The following DNAH5 variants were observed in gnomAD, a reference collection of about 807,000 sequenced individuals.
DNAH5 encodes axonemal beta dynein heavy chain 5.
DNAH5 carries 372 observed loss-of-function variants against 518.2 expected under a neutral mutation model. The ratio of observed to expected loss-of-function variants is 0.72; its 90% CI spans 0.66 to 0.78. DNAH5 has a LOEUF of 0.78. Among genes scored for constraint, DNAH5 ranks in the 30% least tolerant of loss-of-function variants. DNAH5 has a pLI of 0.00. For missense variants in DNAH5, 5,523 were observed against 5,687.0 expected, an observed-to-expected ratio of 0.97 and a Z score of 0.93; for synonymous variants, 2,039 against 2,025.9, an observed-to-expected ratio of 1.01 and a Z score of -0.17.
At position 13,865,720 on chromosome 5, in the gene DNAH5, A is replaced by T; in HGVS notation, c.4303T>A (p.Ser1435Thr). The T allele has an allele frequency of 6.2e-7, 1 of 1,606,238 alleles. No homozygotes were observed. Among genetic ancestry groups the T allele is most frequent in the Non-Finnish European group, 8.5e-7 (1 of 1,172,894 alleles). ...TVNSYYDILW[S>T]EVNIEKINNE... The stretch of plus-strand genomic sequence containing the variant: ...TTAATTTTTTCAATATTCACCTCTG[A>T]CCAAAGAATATCATAATAGCTATTT... Residue 1435 changes from serine (S) to threonine (T), a missense_variant, in exon 27 of 79, where the codon TCA (serine) becomes ACA (threonine). Ser to Thr is a moderately conservative substitution (Grantham distance 58). This residue lies in a region of DNAH5 where 5,121 missense variants were observed against 5,223.3 expected (regional missense o/e 0.98). Transcript: ENST00000265104.
intron 1 of DNAH5, among the ~76,000 whole-genome samples, chr5:13,938,331 A>G (rs1160614087): frequency 6.6e-6 from 1 of 151,980 alleles, no homozygotes; most frequent in East Asian, 1.9e-4. Flanking sequence ...ACTTCATCTC[A>G]TTATGCAGGC....
chr5:13,968,348 T>C (rs940952392), intron 1 of DNAH5, among the ~76,000 whole-genome samples: 5 of 152,192 alleles, frequency 3.3e-5, no homozygotes, highest in Non-Finnish European at 7.4e-5. Flanking sequence ...TCCAGTACTA[T>C]GTTGAATAGA....
rs1252035893 is a variant in DNAH5 at position 13,865,815 on chromosome 5, A to G, written c.4208T>C (p.Leu1403Pro). ...GLPATQYPQLLEIKKQLNLLQ... is the reference protein window; with the variant it reads ...GLPATQYPQLPEIKKQLNLLQ... ...AAGATTTAGTTGCTTCTTTATTTCA[A>G]GAAGCTGAGGATACTGTGTAGCTGG... Residue 1403 changes from leucine to proline, a missense_variant, in exon 27 of 79, where the codon CTT becomes CCT. By Grantham distance (98) the Leu-to-Pro change is moderately conservative. Transcript: ENST00000265104. 4 of 1,613,744 alleles carry G rather than the reference A, an allele frequency of 2.5e-6. No individual in the cohort carries two copies. The highest frequency in any genetic ancestry group is 3.4e-6 in the Non-Finnish European group (4 of 1,179,790).
At chr5:13,993,881 T>G (rs1783739748) in intron 1 of DNAH5, among the ~76,000 whole-genome samples, 1 of 152,144 alleles carries the variant, frequency 6.6e-6, no homozygotes, top group Non-Finnish European at 1.5e-5. Context: ...CAAGATCACC[T>G]CCAGCTGTGA....
intron 50 of DNAH5, among the ~76,000 whole-genome samples, chr5:13,789,606 A>G (rs769072679): frequency 2.0e-5 from 3 of 152,226 alleles, no homozygotes; most frequent in Non-Finnish European, 4.4e-5. Context: ...ATTACTAATG[A>G]TAGAATGCTA....
intron 1 of DNAH5, among the ~76,000 whole-genome samples, chr5:13,971,655 C>T (rs758889208): frequency 3.3e-5 from 5 of 152,176 alleles, no homozygotes; most frequent in Non-Finnish European, 5.9e-5. Flanking sequence ...CTGTGGATAC[C>T]AGCACCTGCT....
chr5:13,788,763 A>T lies in DNAH5; in HGVS notation c.8600T>A (p.Ile2867Asn), dbSNP rs572852817. 15 of 1,614,140 alleles carry T rather than the reference A, an allele frequency of 9.3e-6. No homozygotes were observed. The Admixed American group carries it at 2.5e-4, about 27-fold the overall frequency. ...CAAGAAATCCACAAAATATGTGTCAATTCCACAATCCACCAAGAGTTTTTT... is the reference window on the plus strand; with the variant it reads ...CAAGAAATCCACAAAATATGTGTCATTTCCACAATCCACCAAGAGTTTTTT... ...EEKKLLVDCG[I>N]DTYFVDFLRD... The change falls in exon 51 of 79, where the codon ATT becomes AAT. Residue 2867 changes from isoleucine (I) to asparagine (N), a missense_variant. By Grantham distance (149) the Ile-to-Asn change is moderately radical. Coordinates refer to ENST00000265104, the MANE Select transcript of DNAH5 (RefSeq NM_001369.3).
rs192739957 is a variant in DNAH5 at position 13,913,944 on chromosome 5, G to A, written c.1335C>T (p.Cys445=). 191 of 1,612,894 alleles carry A rather than the reference G, an allele frequency of 1.2e-4. No individual in the cohort carries two copies. The highest frequency in any genetic ancestry group is 8.3e-4 in the Middle Eastern group (5 of 6,030). Residue 445 remains cysteine, a synonymous_variant, in exon 11 of 79, where the codon TGC becomes TGT. Transcript: ENST00000265104. The stretch of plus-strand genomic sequence containing the variant: ...TAAGCTTTTGTTTTGTCTTGTGAAA[G>A]CAGAGCTGGTATTCCTTAAAATCAA... ...AIKLKQEYQL[C]FHKTKQKLKQ...
chr5:13,835,188 G>A (rs1000767088), intron 35 of DNAH5, among the ~76,000 whole-genome samples: 3 of 151,890 alleles, frequency 2.0e-5, no homozygotes, highest in Admixed American at 6.6e-5. Context: ...AGGAGGCTGA[G>A]GCAGGAGAAT....
rs1756526292 is a variant in DNAH5, at chr5:13,789,018, C to A, written c.8449-104G>T. ...GTATTATCCTTCCTGATTTAAGATT[C>A]AACATTTTAAAAAGTTAGGGTTCAA... is the stretch of plus-strand genomic sequence containing the variant. On this transcript the variant is annotated intron_variant, in intron 50 of 78. Transcript: ENST00000265104. The A allele has an allele frequency of 2.8e-6, 3 of 1,089,732 alleles. No homozygotes were observed. In the South Asian group the frequency reaches 4.2e-5, roughly 15 times the overall value. The allele number at this position is 1,089,732 out of a possible 1,614,324, so 67.5% of individuals were successfully genotyped here. A position where few individuals can be genotyped will look rare whatever the true frequency, so the allele number is the denominator to read the frequency against.
At position 13,862,628 on chromosome 5, in the gene DNAH5, G is replaced by A. The variant is rs747337013; in HGVS notation, c.4716C>T (p.Leu1572=). Residue 1572 remains leucine, a synonymous_variant, in exon 29 of 79, where the codon CTC becomes CTT. Transcript: ENST00000265104. ...FGSFKTRGEL[L]LRGDSTSEII... is the part of the protein sequence containing the mutation. ...TTTCCGAGGTACTGTCTCCTCTCAA[G>A]AGGAGCTCTCCACGGGTTTTAAAGC... 4.3e-6 allele frequency: 7 copies of A among 1,613,830 alleles called. No individual in the cohort carries two copies. Among genetic ancestry groups the A allele is most frequent in the South Asian group, 1.1e-5 (1 of 91,074 alleles).
rs564608460 is a variant in DNAH5 at position 13,909,460 on chromosome 5, C to T, written c.1644+1926G>A. The stretch of plus-strand genomic sequence containing the variant: ...TAATTGAAACCATGAAAAATATAAC[C>T]ACACAAACATCTTTCTAGCATCAAC... On this transcript the variant is annotated intron_variant, in intron 12 of 78. Transcript: ENST00000265104. Among the ~76,000 whole-genome samples the T allele has an allele frequency of 3.3e-5, 5 of 151,976 alleles. No individual in the cohort carries two copies. The East Asian group carries it at 9.7e-4, about 29-fold the overall frequency.
chr5:13,876,818 C>T lies in DNAH5; in HGVS notation c.3263-1G>A. 6.2e-7 allele frequency: 1 copy of T among 1,612,560 alleles called. No individual in the cohort carries two copies. Among genetic ancestry groups the T allele is most frequent in the Non-Finnish European group, 8.5e-7 (1 of 1,179,384 alleles). On this transcript the variant is annotated splice_acceptor_variant, in intron 21 of 78. Coordinates refer to ENST00000265104, the MANE Select transcript of DNAH5 (RefSeq NM_001369.3). LOFTEE classifies it high-confidence loss of function. ...TTTACAGATGCTATCTCCAAGGTAT[C>T]TAAAAAGAAAAAAAGAAGAGAAAAC...
At chr5:13,866,123 A>G (rs1315919728) in intron 26 of DNAH5, 97 bp downstream of exon 26, 24 of 1,136,118 alleles carry the variant, frequency 2.1e-5, no homozygotes, top group Non-Finnish European at 3.1e-5. Flanking sequence ...CATATTCCAC[A>G]ATAGGGCCCT....
At chr5:13,992,304 AC>A (rs1306084205) in intron 1 of DNAH5, among the ~76,000 whole-genome samples, 2 of 152,178 alleles carry the variant, frequency 1.3e-5, no homozygotes, top group Non-Finnish European at 2.9e-5. Flanking sequence ...CAACAAAAAA[AC>A]CACCATCGCC....
intron 22 of DNAH5, among the ~76,000 whole-genome samples, chr5:13,873,682 G>T (rs1770465203): frequency 6.9e-6 from 1 of 144,784 alleles, no homozygotes; most frequent in African/African-American, 2.7e-5. Context: ...ATTTATTTTT[G>T]TAGAGACGAG....
intron 76 of DNAH5, among the ~76,000 whole-genome samples, chr5:13,702,603 C>A (rs1742259126): frequency 6.6e-6 from 1 of 152,068 alleles, no homozygotes; most frequent in South Asian, 2.1e-4. Context: ...TCCCTCTGTC[C>A]TTGGCAATGA....
chr5:13,783,892 G>A (rs1035156739), intron 52 of DNAH5, among the ~76,000 whole-genome samples: 4 of 152,174 alleles, frequency 2.6e-5, no homozygotes, highest in Non-Finnish European at 4.4e-5. Context: ...AGGGCCAGCC[G>A]GGAAGTGGAG....
chr5:14,001,498 G>C (rs192974094), intron 1 of DNAH5, among the ~76,000 whole-genome samples: 29 of 151,938 alleles, frequency 1.9e-4, no homozygotes, highest in Non-Finnish European at 3.7e-4. Context: ...TGAGTAGCTG[G>C]GACTACAGGC....
Sources: gnomAD v4.1 joint callset for allele counts (sites outside exome capture counted in the v4.1 genomes callset) on GRCh38, gnomAD v4.1.1 for gene constraint, gnomAD v4.1.1 regional missense constraint, MANE v1.5 for transcripts, NCBI Gene and HGNC (gene_info 2026-07-23, HGNC 2026-07-21) for gene names.